The following GRIA3 variants were observed in gnomAD, a reference collection of about 807,000 sequenced individuals.
GRIA3 encodes glutamate ionotropic receptor AMPA type subunit 3.
GRIA3 carries 3 observed loss-of-function variants against 63.0 expected under a neutral mutation model. The observed-to-expected ratio is 0.05, with a 90% CI of 0.02 to 0.12. GRIA3 has a LOEUF of 0.12. Ranked by LOEUF, GRIA3 falls within the 10% of genes least tolerant of loss-of-function variation. GRIA3 has a pLI of 1.00. For missense variants in GRIA3, 347 were observed against 700.9 expected, an observed-to-expected ratio of 0.50 and a Z score of 5.70; for synonymous variants, 274 against 257.9, an observed-to-expected ratio of 1.06 and a Z score of -0.60.
chrX:123,258,607 G>A (rs1371077966), intron 3 of GRIA3, among the ~76,000 whole-genome samples: 2 of 111,541 alleles, frequency 1.8e-5, no homozygotes, highest in Admixed American at 9.5e-5. Flanking sequence ...CCAGACTCTC[G>A]TGCACCTGAC....
Position 123,384,113 on chromosome X carries a change from C to A in GRIA3, c.751-10855C>A, listed in dbSNP as rs139582023. On this transcript the variant is annotated intron_variant, in intron 5 of 15. Transcript: ENST00000620443. The stretch of plus-strand genomic sequence containing the variant: ...TTTTATCCAGTCTATCATTGATGGG[C>A]CTTTAGGTTGATTCCATGTCTTTGC... Among the ~76,000 whole-genome samples, 932 of 111,604 alleles carry A rather than the reference C, an allele frequency of 8.4e-3. 20 individuals carry two copies. Among genetic ancestry groups the A allele is most frequent in the Admixed American group, 0.074 (772 of 10,478 alleles).
intron 4 of GRIA3, among the ~76,000 whole-genome samples, chrX:123,337,917 C>T (rs2044984349): frequency 8.9e-6 from 1 of 112,102 alleles, no homozygotes; most frequent in African/African-American, 3.2e-5. Flanking sequence ...TTGCTGTTTT[C>T]TCAAAGGTGC....
At chrX:123,330,295 TTA>T (rs1202265803) in intron 4 of GRIA3, among the ~76,000 whole-genome samples, 1 of 111,968 alleles carries the variant, frequency 8.9e-6, no homozygotes, top group Non-Finnish European at 1.9e-5. Context: ...TTGGAGACAT[TTA>T]TATGACTTGT....
intron 6 of GRIA3, among the ~76,000 whole-genome samples, chrX:123,396,969 CTG>C (rs2045417800): frequency 9.0e-6 from 1 of 111,406 alleles, no homozygotes; most frequent in African/African-American, 3.3e-5. Context: ...GTGCCAGACA[CTG>C]TGTTAGGCAT....
chrX:123,380,330 A>T (rs1329943902), intron 5 of GRIA3, among the ~76,000 whole-genome samples: 2 of 111,842 alleles, frequency 1.8e-5, no homozygotes, highest in Non-Finnish European at 3.8e-5. Flanking sequence ...TTTAATGATC[A>T]CCATTCTAAC....
chrX:123,467,874 CT>C (rs752642225), intron 13 of GRIA3, among the ~76,000 whole-genome samples: 1 of 112,398 alleles, frequency 8.9e-6, no homozygotes, highest in South Asian at 3.6e-4. Flanking sequence ...AGCAATCAAG[CT>C]TTTTTTCCCT....
chrX:123,425,276 C>T (rs2147398922), intron 11 of GRIA3, among the ~76,000 whole-genome samples: 1 of 111,489 alleles, frequency 9.0e-6, no homozygotes, highest in South Asian at 3.8e-4. Flanking sequence ...ATTTTCTATT[C>T]TGCCTCTCTG....
chrX:123,358,072 C>CAG (rs767778687), intron 5 of GRIA3, among the ~76,000 whole-genome samples: 52 of 107,734 alleles, frequency 4.8e-4, no homozygotes, highest in South Asian at 1.2e-3. Context: ...CAAAGACAGA[C>CAG]AGAGAGAGAG....
At chrX:123,487,833 T>C (rs1231561274) in intron 15 of GRIA3, among the ~76,000 whole-genome samples, 1 of 112,429 alleles carries the variant, frequency 8.9e-6, no homozygotes, top group Non-Finnish European at 1.9e-5. Context: ...CATCCTTGGA[T>C]GCTTTTGGCC....
At chrX:123,208,982 T>C (rs1040627545) in intron 2 of GRIA3, among the ~76,000 whole-genome samples, 5 of 112,271 alleles carry the variant, frequency 4.5e-5, no homozygotes, top group African/African-American at 1.6e-4. Flanking sequence ...TGCAACTCTA[T>C]AGCAGATCCT....
intron 4 of GRIA3, among the ~76,000 whole-genome samples, chrX:123,344,479 T>C (rs1428216474): frequency 9.0e-6 from 1 of 111,716 alleles, no homozygotes; most frequent in East Asian, 2.8e-4. Context: ...CTGGCCCTTT[T>C]GGTAGGTGTA....
intron 10 of GRIA3, among the ~76,000 whole-genome samples, chrX:123,411,613 T>C (rs1188366280): frequency 1.8e-5 from 2 of 111,189 alleles, no homozygotes; most frequent in Non-Finnish European, 3.8e-5. Context: ...ATAAATCCCC[T>C]CAAGCTAAAT....
chrX:123,343,024 C>T (rs1569422479), intron 4 of GRIA3, among the ~76,000 whole-genome samples: 1 of 111,426 alleles, frequency 9.0e-6, no homozygotes, highest in Non-Finnish European at 1.9e-5. Context: ...TGACTTCAAG[C>T]TCTATCATTT....
At chrX:123,406,305 T>C (rs959768843) in intron 10 of GRIA3, among the ~76,000 whole-genome samples, 5 of 112,089 alleles carry the variant, frequency 4.5e-5, no homozygotes, top group Non-Finnish European at 9.4e-5. Flanking sequence ...ATATCTACAC[T>C]AAGTAAGGGG....
In GRIA3 at chrX:123,211,179, C is replaced by CAAAAAAATGT. The variant is rs1246147225; in HGVS notation, c.268+25194_268+25203dup. ...AAACATAACATCACTTAAAGACACT[C>CAAAAAAATGT]AAAAAAATGTAAAACAACACAATTT... On this transcript the variant is annotated intron_variant, in intron 2 of 15. Transcript: ENST00000620443. 1.8e-4 allele frequency among the ~76,000 whole-genome samples: 20 copies of CAAAAAAATGT among 111,442 alleles called. No individual in the cohort carries two copies. The East Asian group carries it at 5.6e-3, about 31-fold the overall frequency.
At chrX:123,306,320 G>A (rs1268132596) in intron 3 of GRIA3, among the ~76,000 whole-genome samples, 1 of 111,857 alleles carries the variant, frequency 8.9e-6, no homozygotes, top group South Asian at 3.7e-4. Context: ...AGCAGAACAG[G>A]TGACTACTGT....
At chrX:123,235,704 T>C (rs1023067760) in intron 2 of GRIA3, among the ~76,000 whole-genome samples, 8 of 111,461 alleles carry the variant, frequency 7.2e-5, no homozygotes, top group African/African-American at 2.0e-4. Flanking sequence ...TTGCACCAAA[T>C]ATATTCACAT....
intron 12 of GRIA3, among the ~76,000 whole-genome samples, chrX:123,458,946 A>C (rs1302667779): frequency 8.9e-6 from 1 of 112,080 alleles, no homozygotes. Context: ...TGAAGTAATG[A>C]TTCCGTAAAT....
intron 2 of GRIA3, among the ~76,000 whole-genome samples, chrX:123,245,623 T>A (rs1174367304): frequency 1.8e-5 from 2 of 110,412 alleles, no homozygotes; most frequent in Non-Finnish European, 3.8e-5. Context: ...AGAGGAGAGT[T>A]TCAAGGGCTA....
Sources: allele counts gnomAD v4.1 joint callset (sites outside exome capture counted in the v4.1 genomes callset), GRCh38; gene constraint gnomAD v4.1.1; transcripts MANE v1.5; gene names NCBI Gene and HGNC (gene_info 2026-07-23, HGNC 2026-07-21).